Variants in ANKRD35 observed in about 807,000 individuals in gnomAD.
ANKRD35 encodes ankyrin repeat domain-containing protein 35.
Under a neutral mutation model 109.9 loss-of-function variants are expected in ANKRD35, and 102 were observed. That is an observed-to-expected ratio of 0.93 (90% CI 0.79 to 1.09). The LOEUF (loss-of-function observed/expected upper bound fraction) is 1.09, where lower values mean the gene tolerates loss of function less well. Among genes scored for constraint, ANKRD35 ranks in the 50% least tolerant of loss-of-function variants. ANKRD35 has a pLI of 0.00. For missense variants in ANKRD35, 1,240 were observed against 1,230.1 expected, an observed-to-expected ratio of 1.01 and a Z score of -0.12; for synonymous variants, 515 against 512.4, an observed-to-expected ratio of 1.01 and a Z score of -0.07.
rs1653927450 is a variant in ANKRD35, at chr1:145,873,393, TG to T, written c.1375del (p.Gln459SerfsTer13). The T allele has an allele frequency of 6.2e-7, 1 of 1,614,218 alleles. No individual in the cohort carries two copies. The highest frequency in any genetic ancestry group is 1.7e-5 in the Admixed American group (1 of 60,032). ...AQTFGPDHADQLPAGQKESSQ... is the reference protein window; with the variant it reads ...AQTFGPDHADXLPAGQKESSQ... ...ACTCTCCTTCTGACCAGCAGGCAGC[TG>T]GTCAGCATGATCAGGGCCAAAGGTC... is the stretch of plus-strand genomic sequence containing the variant. On this transcript the variant is annotated frameshift_variant, in exon 10 of 14. Transcript: ENST00000355594. LOFTEE classifies it high-confidence loss of function.
intron 3 of ANKRD35, 25 bp from the exon 4 acceptor site, chr1:145,878,057 G>A (rs781962681): frequency 5.6e-6 from 9 of 1,607,702 alleles, no homozygotes; most frequent in South Asian, 1.1e-5. Flanking sequence ...AGGGGAGAAG[G>A]AGGGTAGGTG....
Position 145,868,376 on chromosome 1 carries a change from C to T in ANKRD35, c.2812G>A (p.Glu938Lys), listed in dbSNP as rs782563462. ...GCTAGAACCTCTTCTGAAAGCTGCT[C>T]CAGCTTCTTCAACAACTCCTTGATC... ...AKIKELLKKL[E>K]QLSEEVLAIR... The change falls in exon 11 of 14, where the codon GAG becomes AAG. Residue 938 changes from glutamate (E) to lysine (K), a missense_variant. Glu to Lys is a moderately conservative substitution (Grantham distance 56). Transcript: ENST00000355594. 7 of 1,614,188 alleles carry T rather than the reference C, an allele frequency of 4.3e-6. No homozygotes were observed. In the Admixed American group the frequency reaches 6.7e-5, roughly 15 times the overall value.
At chr1:145,881,868 G>C (rs2101718458) in intron 1 of ANKRD35, among the ~76,000 whole-genome samples, 1 of 151,794 alleles carries the variant, frequency 6.6e-6, no homozygotes, top group East Asian at 1.9e-4. Flanking sequence ...GGATCTTGCT[G>C]ATACTAGCCA....
chr1:145,873,333 A>G lies in ANKRD35; in HGVS notation c.1436T>C (p.Val479Ala). The change falls in exon 10 of 14, where the codon GTG (valine) becomes GCG (alanine). Residue 479 changes from valine to alanine, a missense_variant. By Grantham distance (64) the Val-to-Ala change is moderately conservative. Coordinates refer to ENST00000355594, the MANE Select transcript of ANKRD35 (RefSeq NM_144698.5). ...GGCTGCTGGGCCCACTGGTTCAGCC[A>G]CTGTGCCTCCTGGTTCAACTCCTAG... ...QVLGVEPGGTVAEPVGPAAMN... is the reference protein window; with the variant it reads ...QVLGVEPGGTAAEPVGPAAMN... The G allele has an allele frequency of 6.2e-7, 1 of 1,614,182 alleles. No homozygotes were observed. The highest frequency in any genetic ancestry group is 8.5e-7 in the Non-Finnish European group (1 of 1,180,028).
rs1279181863 is a variant in ANKRD35, at chr1:145,873,686, A to C, written c.1083T>G (p.Ser361Arg). Residue 361 changes from serine (S) to arginine (R), a missense_variant, in exon 10 of 14, where the codon AGT (serine) becomes AGG (arginine). Ser to Arg is a moderately radical substitution (Grantham distance 110, BLOSUM62 -1). Transcript: ENST00000355594. Reference sequence around the variant, plus strand: ...CCATGCCATCCCCTCCAGGCCGGAGACTAGAGCCTTGCTTTCCTGAAGCTC... The same window carrying C: ...CCATGCCATCCCCTCCAGGCCGGAGCCTAGAGCCTTGCTTTCCTGAAGCTC... Reference protein sequence around the residue: ...EPRASGKQGSSLRPGGDGMEQ... With the variant: ...EPRASGKQGSRLRPGGDGMEQ... 1 of 1,613,954 alleles carries C rather than the reference A, an allele frequency of 6.2e-7. No individual in the cohort carries two copies. The highest frequency in any genetic ancestry group is 1.3e-5 in the African/African-American group (1 of 74,900).
At chr1:145,885,142 G>A (rs1028531814) in intron 1 of ANKRD35, among the ~76,000 whole-genome samples, 4 of 152,206 alleles carry the variant, frequency 2.6e-5, no homozygotes, top group Non-Finnish European at 5.9e-5. Context: ...GTGAGAGATG[G>A]GAGTGAAAGT....
chr1:145,883,813 C>T (rs1421279694), intron 1 of ANKRD35, among the ~76,000 whole-genome samples: 1 of 152,232 alleles, frequency 6.6e-6, no homozygotes, highest in Admixed American at 6.5e-5. Context: ...AGGAACCAAT[C>T]TGCAGCTGAA....
intron 8 of ANKRD35, 72 bp downstream of exon 8, chr1:145,874,750 A>G: frequency 2.1e-6 from 3 of 1,453,396 alleles, no homozygotes; most frequent in Non-Finnish European, 2.7e-6. Context: ...GATTACTTCC[A>G]TGGAAACAAA....
At chr1:145,878,907 C>T (rs139036284) in intron 2 of ANKRD35, among the ~76,000 whole-genome samples, 78 of 152,266 alleles carry the variant, frequency 5.1e-4, no homozygotes, top group African/African-American at 1.8e-3. Flanking sequence ...GACTCCCATG[C>T]TACCACTTCA....
At position 145,868,254 on chromosome 1, in the gene ANKRD35, C is replaced by T. The variant is rs1570791187; in HGVS notation, c.2877+57G>A. On this transcript the variant is annotated intron_variant, in intron 11 of 13. Coordinates refer to ENST00000355594, the MANE Select transcript of ANKRD35 (RefSeq NM_144698.5). ...ATTCCTAGAATGTCTCCCACATATACATCACTTCCACTGCTGACCTTCTTC... is the reference window on the plus strand; with the variant it reads ...ATTCCTAGAATGTCTCCCACATATATATCACTTCCACTGCTGACCTTCTTC... The T allele has an allele frequency of 1.2e-5, 18 of 1,558,772 alleles. No individual in the cohort carries two copies. In the East Asian group the frequency reaches 2.7e-4, roughly 23 times the overall value.
chr1:145,866,894 G>C lies in ANKRD35; in HGVS notation c.*44-129C>G, dbSNP rs587611023. 9.7e-5 allele frequency: 17 copies of C among 175,826 alleles called. 1 individual carries two copies. The East Asian group carries it at 2.8e-3, about 29-fold the overall frequency. 10.9% of individuals were successfully genotyped at this position (175,826 alleles called of 1,614,324 possible). A position where few individuals can be genotyped will look rare whatever the true frequency, so the allele number is the denominator to read the frequency against. Reference sequence around the variant, plus strand: ...AGAAGGGGACTATCTGCATTGGGGTGGGGGGAGGTTTGGGGGATGACTGCT... The same window carrying C: ...AGAAGGGGACTATCTGCATTGGGGTCGGGGGAGGTTTGGGGGATGACTGCT... On this transcript the variant is annotated intron_variant, in intron 13 of 13. Transcript: ENST00000355594.
In ANKRD35 at chr1:145,873,231, A is replaced by G. The variant is rs1559173542; in HGVS notation, c.1538T>C (p.Leu513Ser). ...WREKDAARGA[L>S]SRPVMEGALG... ...GGCTCCCTCCATGACCGGTCTTGAC[A>G]AAGCCCCCCGGGCAGCATCCTTTTC... is the stretch of plus-strand genomic sequence containing the variant. Residue 513 changes from leucine (L) to serine (S), a missense_variant, in exon 10 of 14, where the codon TTG (leucine) becomes TCG (serine). Transcript: ENST00000355594. 1 of 1,614,138 alleles carries G rather than the reference A, an allele frequency of 6.2e-7. No homozygotes were observed. The highest frequency in any genetic ancestry group is 1.3e-5 in the African/African-American group (1 of 75,032).
At chr1:145,880,480 G>A (rs1052191432) in intron 1 of ANKRD35, among the ~76,000 whole-genome samples, 4 of 152,040 alleles carry the variant, frequency 2.6e-5, no homozygotes, top group Non-Finnish European at 4.4e-5. Context: ...ATAAAATACG[G>A]CTAATAACAA....
intron 1 of ANKRD35, among the ~76,000 whole-genome samples, chr1:145,881,496 G>A (rs1218985566): frequency 6.6e-6 from 1 of 152,106 alleles, no homozygotes; most frequent in African/African-American, 2.4e-5. Context: ...GACAAAATAA[G>A]CAAAATGACT....
At position 145,872,796 on chromosome 1, in the gene ANKRD35, G is replaced by C. The variant is rs782074638; in HGVS notation, c.1973C>G (p.Pro658Arg). Residue 658 changes from proline to arginine, a missense_variant, in exon 10 of 14, where the codon CCC becomes CGC. Transcript: ENST00000355594. ...TAGCTGGACCTGCGCCTGTGGCTTG[G>C]GCACAAACTCCCGCTGCAGCCGCTG... ...LSQRLQREFV[P>R]KPQAQVQLQQ... 1 of 1,613,974 alleles carries C rather than the reference G, an allele frequency of 6.2e-7. No individual in the cohort carries two copies. Among genetic ancestry groups the C allele is most frequent in the South Asian group, 1.1e-5 (1 of 91,082 alleles).
At chr1:145,879,179 C>A in intron 2 of ANKRD35, 79 bp downstream of exon 2, 1 of 1,409,368 alleles carries the variant, frequency 7.1e-7, no homozygotes, top group South Asian at 1.8e-5. Context: ...TAGGCATTCC[C>A]TGGTCCTATG....
chr1:145,868,177 T>G (rs1653674507), intron 11 of ANKRD35, 121 bp from the exon 12 acceptor site: 6 of 1,457,698 alleles, frequency 4.1e-6, no homozygotes, highest in Non-Finnish European at 5.8e-6. Flanking sequence ...TGGCCCATCC[T>G]GGACCACTGC....
At chr1:145,877,027 T>C (rs587705775) in intron 4 of ANKRD35, among the ~76,000 whole-genome samples, 154 bp from the exon 5 acceptor site, 1 of 152,288 alleles carries the variant, frequency 6.6e-6, no homozygotes, top group South Asian at 2.1e-4. Context: ...AGTTCATCCA[T>C]TGCTGATGAT....
In ANKRD35 at chr1:145,872,236, G is replaced by A. The variant is rs899634018; in HGVS notation, c.2533C>T (p.Gln845Ter). 1 of 1,611,066 alleles carries A rather than the reference G, an allele frequency of 6.2e-7. No homozygotes were observed. The highest frequency in any genetic ancestry group is 1.3e-5 in the African/African-American group (1 of 75,036). The change falls in exon 10 of 14, where the codon CAG becomes TAG. Residue 845 changes from glutamine (Q) to a stop codon, truncating the protein, a stop_gained. Coordinates refer to ENST00000355594, the MANE Select transcript of ANKRD35 (RefSeq NM_144698.5). LOFTEE classifies it high-confidence loss of function. ...AGCTCCTGGCCCCAAGCCTGAGCCT[G>A]GGCCACCAGCGAACCCCGAGTTTTC... is the stretch of plus-strand genomic sequence containing the variant. ...HEKTRGSLVA[Q>*]AQAWGQELKA... is the part of the protein sequence containing the mutation.
Sources: gnomAD v4.1 joint callset for allele counts (sites outside exome capture counted in the v4.1 genomes callset) on GRCh38, gnomAD v4.1.1 for gene constraint, MANE v1.5 for transcripts, NCBI Gene and HGNC (gene_info 2026-07-23, HGNC 2026-07-21) for gene names.